The following PCNX2 variants were observed in gnomAD, a reference collection of about 807,000 sequenced individuals.
PCNX2 encodes pecanex 2, also known as pecanex-like protein 2.
In PCNX2, 168 loss-of-function variants were observed where a neutral mutation model predicts 223.8. The observed-to-expected ratio is 0.75, with a 90% CI of 0.66 to 0.85. PCNX2 has a LOEUF of 0.85. Ranked by LOEUF, PCNX2 falls within the 40% of genes least tolerant of loss-of-function variation. The pLI, the probability that PCNX2 is intolerant of heterozygous loss-of-function variation, is 0.00. For synonymous variants in PCNX2, 1,006 were observed against 1,052.6 expected (o/e 0.96, Z 0.86); for missense variants, 2,507 against 2,675.5 (o/e 0.94, Z 1.39).
At chr1:233,214,625 T>C (rs182378904) in intron 12 of PCNX2, among the ~76,000 whole-genome samples, 146 of 152,326 alleles carry the variant, frequency 9.6e-4, no homozygotes, top group African/African-American at 3.4e-3. Context: ...GGGTTATTAG[T>C]GGTTACTGTC....
At chr1:233,188,713 G>C (rs1055601080) in intron 15 of PCNX2, among the ~76,000 whole-genome samples, 2 of 152,082 alleles carry the variant, frequency 1.3e-5, no homozygotes, top group African/African-American at 4.8e-5. Flanking sequence ...AGTAGAGATG[G>C]GGTTTCACCA....
At chr1:233,090,247 A>G in intron 22 of PCNX2, 57 bp from the exon 23 acceptor site, 1 of 1,565,794 alleles carries the variant, frequency 6.4e-7, no homozygotes, top group African/African-American at 1.4e-5. Context: ...TTTTTAAAAC[A>G]TTATTTCAAA....
intron 19 of PCNX2, among the ~76,000 whole-genome samples, chr1:233,151,622 G>A (rs771576167): frequency 2.0e-5 from 3 of 152,128 alleles, no homozygotes; most frequent in Non-Finnish European, 4.4e-5. Context: ...TGGAATCTGA[G>A]GCTGGCAGCT....
intron 1 of PCNX2, chr1:233,291,861 T>C: frequency 1.0e-6 from 1 of 982,028 alleles, no homozygotes; most frequent in Non-Finnish European, 1.2e-6. Context: ...GGGAACTGTG[T>C]ATTTGACATG....
At chr1:233,122,056 G>A (rs1675823277) in intron 21 of PCNX2, among the ~76,000 whole-genome samples, 1 of 150,358 alleles carries the variant, frequency 6.7e-6, no homozygotes, top group African/African-American at 2.5e-5. Flanking sequence ...ATCCTGTAGT[G>A]ACAGAAAGTT....
At chr1:233,009,936 C>T (rs1670406021) in intron 28 of PCNX2, among the ~76,000 whole-genome samples, 1 of 152,198 alleles carries the variant, frequency 6.6e-6, no homozygotes, top group Admixed American at 6.5e-5. Flanking sequence ...GAAACTTCTG[C>T]TCCTTTGTAG....
At chr1:233,272,645 A>G (rs1029222785) in intron 1 of PCNX2, among the ~76,000 whole-genome samples, 2 of 152,358 alleles carry the variant, frequency 1.3e-5, no homozygotes, top group East Asian at 3.9e-4. Context: ...ACTACTGGGT[A>G]TCTAGCCAGA....
rs541102954 is a variant in PCNX2, at chr1:233,057,539, T to C, written c.4077-249A>G. On this transcript the variant is annotated intron_variant, in intron 23 of 33. Transcript: ENST00000258229. ...CTGATTTGGAGAGAACGGTCTTGTG[T>C]CTTAATCAATTTGGAGCACCAGATC... 3.0e-5 allele frequency: 12 copies of C among 404,900 alleles called. No individual in the cohort carries two copies. The South Asian group carries it at 4.1e-4, about 14-fold the overall frequency. The allele number at this position is 404,900 out of a possible 1,614,324, so 25.1% of individuals were successfully genotyped here.
intron 10 of PCNX2, 112 bp downstream of exon 10, chr1:233,227,114 C>T (rs1330547406): frequency 3.2e-6 from 4 of 1,258,540 alleles, no homozygotes; most frequent in East Asian, 2.6e-5. Flanking sequence ...GCAAAGGAAG[C>T]GTACAACTTG....
intron 15 of PCNX2, among the ~76,000 whole-genome samples, chr1:233,185,437 G>A (rs1680041908): frequency 6.6e-6 from 1 of 152,000 alleles, no homozygotes; most frequent in Admixed American, 6.6e-5. Context: ...ATAGCTAACT[G>A]TGAAAAATAT....
At chr1:233,070,452 C>T (rs1013025110) in intron 23 of PCNX2, among the ~76,000 whole-genome samples, 2 of 151,714 alleles carry the variant, frequency 1.3e-5, no homozygotes, top group Non-Finnish European at 2.9e-5. Flanking sequence ...TAATATAAAT[C>T]CAAAAATCCT....
At chr1:233,325,724 T>C in the PCNX2 span, among the ~76,000 whole-genome samples, 7 of 152,046 alleles carry the variant, frequency 4.6e-5, no homozygotes, top group Admixed American at 3.9e-4. Context: ...GCAAAAAAAG[T>C]AGTTTCTTGA....
At chr1:233,038,636 A>G (rs541503399) in intron 25 of PCNX2, among the ~76,000 whole-genome samples, 1 of 152,320 alleles carries the variant, frequency 6.6e-6, no homozygotes, top group East Asian at 1.9e-4. Context: ...GGGATTTGAA[A>G]GATTACTCAA....
intron 25 of PCNX2, among the ~76,000 whole-genome samples, chr1:233,031,484 T>C (rs1671261838): frequency 6.6e-6 from 1 of 152,246 alleles, no homozygotes; most frequent in African/African-American, 2.4e-5. Context: ...CAGTATATTG[T>C]ATTACCTTAC....
At chr1:233,249,279 G>T (rs72750087) in intron 8 of PCNX2, among the ~76,000 whole-genome samples, 2,705 of 152,274 alleles carry the variant, frequency 0.018, 39 homozygotes, top group Non-Finnish European at 0.028. Flanking sequence ...CAAAAATCTT[G>T]TAACTTTACT....
chr1:233,250,516 T>G, intron 8 of PCNX2: 2 of 954,804 alleles, frequency 2.1e-6, no homozygotes, highest in Non-Finnish European at 1.2e-6. Flanking sequence ...ACTACCTACA[T>G]GTTATCTTCA....
At chr1:233,010,554 C>G (rs1276149076) in intron 28 of PCNX2, among the ~76,000 whole-genome samples, 2 of 152,204 alleles carry the variant, frequency 1.3e-5, no homozygotes, top group Non-Finnish European at 2.9e-5. Context: ...TATTTGAAGA[C>G]AGTAATCAAA....
At chr1:233,154,373 C>T (rs1157874167) in intron 19 of PCNX2, among the ~76,000 whole-genome samples, 1 of 152,242 alleles carries the variant, frequency 6.6e-6, no homozygotes, top group Admixed American at 6.5e-5. Context: ...GGCCACCATG[C>T]CCGGCCTATG....
intron 25 of PCNX2, among the ~76,000 whole-genome samples, chr1:233,035,237 C>A (rs1363999550): frequency 6.6e-6 from 1 of 152,156 alleles, no homozygotes; most frequent in Non-Finnish European, 1.5e-5. Context: ...CAAGATTGGG[C>A]TTCTTGGTCC....
Sources: allele counts gnomAD v4.1 joint callset (sites outside exome capture counted in the v4.1 genomes callset), GRCh38; gene constraint gnomAD v4.1.1; transcripts MANE v1.5; gene names NCBI Gene and HGNC (gene_info 2026-07-23, HGNC 2026-07-21).